The following SYN3 variants were observed in gnomAD, a reference collection of about 807,000 sequenced individuals.
SYN3 encodes the protein synapsin-3.
In SYN3, 35 loss-of-function variants were observed where a neutral mutation model predicts 65.8. The observed-to-expected ratio is 0.53, with a 90% CI of 0.41 to 0.70. SYN3 has a LOEUF of 0.70. SYN3 is among the 30% of genes least tolerant of loss of function. The pLI is 0.00. For synonymous variants in SYN3, 270 were observed against 292.9 expected, an observed-to-expected ratio of 0.92 and a Z score of 0.80; for missense variants, 680 against 749.0, an observed-to-expected ratio of 0.91 and a Z score of 1.08.
At chr22:32,752,251 G>A (rs139939461) in intron 6 of SYN3, among the ~76,000 whole-genome samples, 357 of 152,246 alleles carry the variant, frequency 2.3e-3, no homozygotes, top group Non-Finnish European at 4.2e-3. Flanking sequence ...TGCTAAGCCT[G>A]TGCCCTCTAA....
intron 4 of SYN3, among the ~76,000 whole-genome samples, chr22:32,928,017 T>C (rs2050521606): frequency 6.6e-6 from 1 of 152,320 alleles, no homozygotes; most frequent in Non-Finnish European, 1.5e-5. Context: ...CATTGTAAAC[T>C]GAAAATATCC....
At chr22:32,666,445 A>G (rs1043754644) in intron 6 of SYN3, among the ~76,000 whole-genome samples, 1 of 152,098 alleles carries the variant, frequency 6.6e-6, no homozygotes, top group Non-Finnish European at 1.5e-5. Context: ...TGCTCTGGCC[A>G]TGTGGCCACC....
At chr22:32,872,372 A>G (rs1248354899) in intron 4 of SYN3, among the ~76,000 whole-genome samples, 1 of 152,238 alleles carries the variant, frequency 6.6e-6, no homozygotes, top group African/African-American at 2.4e-5. Context: ...CCTAGAGAAG[A>G]AAACTAGACT....
chr22:32,859,136 A>G (rs1427533294), intron 6 of SYN3: 2 of 1,605,206 alleles, frequency 1.2e-6, no homozygotes, highest in East Asian at 2.2e-5. Flanking sequence ...GCCTGGGCAT[A>G]CCATGGCAGA....
intron 3 of SYN3, among the ~76,000 whole-genome samples, chr22:32,943,896 A>C (rs1184131749): frequency 6.6e-6 from 1 of 152,220 alleles, no homozygotes; most frequent in Admixed American, 6.5e-5. Context: ...AAGAAGAGCT[A>C]ACTATCCTAA....
At chr22:32,564,909 A>AC (rs2058644385) in intron 7 of SYN3, among the ~76,000 whole-genome samples, 1 of 148,368 alleles carries the variant, frequency 6.7e-6, no homozygotes, top group African/African-American at 2.5e-5. Context: ...GTGCTCCCGG[A>AC]TTACACCCAA....
chr22:32,813,742 T>G (rs979495764), intron 6 of SYN3, among the ~76,000 whole-genome samples: 3 of 152,040 alleles, frequency 2.0e-5, no homozygotes, highest in African/African-American at 7.2e-5. Context: ...GTTAGACCAC[T>G]TGGCTCAAAC....
intron 6 of SYN3, among the ~76,000 whole-genome samples, chr22:32,823,011 C>T (rs2047297874): frequency 1.3e-5 from 2 of 152,072 alleles, no homozygotes; most frequent in Admixed American, 1.3e-4. Context: ...TAAATATCAA[C>T]ACTAGTTACT....
At chr22:32,769,521 T>G in intron 6 of SYN3, among the ~76,000 whole-genome samples, 1 of 151,572 alleles carries the variant, frequency 6.6e-6, no homozygotes, top group East Asian at 1.9e-4. Context: ...TGTGTTTGTT[T>G]TTTTTTTTTT....
At chr22:32,671,684 TACAC>T (rs374009278) in intron 6 of SYN3, among the ~76,000 whole-genome samples, 9 of 113,804 alleles carry the variant, frequency 7.9e-5, no homozygotes, top group Admixed American at 2.6e-4. Context: ...CTCACACAGG[TACAC>T]ACACGCTGTC....
chr22:32,872,971 T>C (rs2048890145), intron 4 of SYN3, among the ~76,000 whole-genome samples: 2 of 141,776 alleles, frequency 1.4e-5, no homozygotes, highest in Admixed American at 1.5e-4. Context: ...AGACAGAGTC[T>C]GGCTCTATTG....
chr22:33,046,607 C>T (rs144612190), intron 1 of SYN3, among the ~76,000 whole-genome samples: 2,735 of 152,038 alleles, frequency 0.018, 94 homozygotes, highest in African/African-American at 0.062. Context: ...CTTTGGGAGG[C>T]CGAGGCAGGT....
chr22:32,590,091 C>A (rs1474945355), intron 7 of SYN3, among the ~76,000 whole-genome samples: 1 of 152,130 alleles, frequency 6.6e-6, no homozygotes. Context: ...ACATAACCAC[C>A]CCCTAAATCA....
chr22:32,522,426 C>A (rs1259592700), intron 12 of SYN3, among the ~76,000 whole-genome samples: 1 of 152,108 alleles, frequency 6.6e-6, no homozygotes, highest in Admixed American at 6.5e-5. Context: ...TTTAAAACGG[C>A]TCTGTTCAAA....
intron 6 of SYN3, among the ~76,000 whole-genome samples, chr22:32,770,317 A>G (rs1276549050): frequency 6.6e-6 from 1 of 152,158 alleles, no homozygotes; most frequent in Non-Finnish European, 1.5e-5. Context: ...ATGCCTTCAG[A>G]TGTAAGTCAA....
chr22:32,770,073 T>C (rs1016974794), intron 6 of SYN3, among the ~76,000 whole-genome samples: 1 of 152,240 alleles, frequency 6.6e-6, no homozygotes, highest in East Asian at 1.9e-4. Context: ...CCCATCTCAG[T>C]TGATGGCAGC....
At chr22:32,790,818 C>T (rs886857127) in intron 6 of SYN3, among the ~76,000 whole-genome samples, 4 of 152,196 alleles carry the variant, frequency 2.6e-5, no homozygotes, top group Admixed American at 2.6e-4. Flanking sequence ...GAGCCAGCTC[C>T]AGTGCAGCAC....
chr22:32,515,082 C>G (rs182140085), intron 13 of SYN3, among the ~76,000 whole-genome samples: 8 of 152,218 alleles, frequency 5.3e-5, no homozygotes, highest in African/African-American at 1.9e-4. Context: ...TGCTTATTAC[C>G]CCTCAGAGAG....
At chr22:32,981,997 T>C (rs886313233) in intron 2 of SYN3, among the ~76,000 whole-genome samples, 15 of 152,146 alleles carry the variant, frequency 9.9e-5, no homozygotes, top group Admixed American at 4.6e-4. Flanking sequence ...TGCTAGAAAG[T>C]GTGTAATTTA....
Sources: gnomAD v4.1 joint callset for allele counts (sites outside exome capture counted in the v4.1 genomes callset) on GRCh38, gnomAD v4.1.1 for gene constraint, MANE v1.5 for transcripts, NCBI Gene and HGNC (gene_info 2026-07-23, HGNC 2026-07-21) for gene names.